The following HMBOX1 variants were observed in gnomAD, a reference collection of about 807,000 sequenced individuals.
The protein encoded by HMBOX1 is homeobox-containing protein 1.
HMBOX1 carries 14 observed loss-of-function variants against 54.5 expected under a neutral mutation model. That is an observed-to-expected ratio of 0.26 (90% CI 0.17 to 0.40). HMBOX1 has a LOEUF of 0.40. HMBOX1 is among the 10% of genes least tolerant of loss of function. HMBOX1 has a pLI of 1.00. For missense variants in HMBOX1, 332 were observed against 514.4 expected, an observed-to-expected ratio of 0.65 and a Z score of 3.43; for synonymous variants, 160 against 181.0, an observed-to-expected ratio of 0.88 and a Z score of 0.93.
chr8:28,947,100 G>A (rs1284001455), intron 1 of HMBOX1, among the ~76,000 whole-genome samples: 4 of 152,174 alleles, frequency 2.6e-5, no homozygotes, highest in African/African-American at 9.6e-5. Flanking sequence ...GGGTGTGTAA[G>A]AAAGATGTAT....
At chr8:28,986,780 T>C (rs150793040) in intron 4 of HMBOX1, among the ~76,000 whole-genome samples, 1 of 152,326 alleles carries the variant, frequency 6.6e-6, no homozygotes, top group African/African-American at 2.4e-5. Flanking sequence ...TTCTTACTTT[T>C]TAATCTCATT....
chr8:28,953,373 A>G (rs950207297), intron 1 of HMBOX1, among the ~76,000 whole-genome samples: 1 of 151,964 alleles, frequency 6.6e-6, no homozygotes, highest in African/African-American at 2.4e-5. Flanking sequence ...CATGAGTGCA[A>G]CACCTTCTGA....
intron 1 of HMBOX1, among the ~76,000 whole-genome samples, chr8:28,894,611 T>C (rs569681863): frequency 1.3e-5 from 2 of 152,234 alleles, no homozygotes; most frequent in Non-Finnish European, 2.9e-5. Context: ...TTGCCCTTAC[T>C]GGATTTAGGG....
intron 5 of HMBOX1, chr8:29,010,245 ACT>A: frequency 5.0e-6 from 3 of 604,324 alleles, no homozygotes; most frequent in East Asian, 1.4e-4. Context: ...ACACCTGTTT[ACT>A]CTTTCTTAGA....
Position 28,924,061 on chromosome 8 carries a change from G to A in HMBOX1, c.-58+33383G>A, listed in dbSNP as rs561428921. Among the ~76,000 whole-genome samples the A allele has an allele frequency of 1.2e-4, 18 of 149,594 alleles. No homozygotes were observed. In the South Asian group the frequency reaches 3.8e-3, roughly 32 times the overall value. On this transcript the variant is annotated intron_variant, in intron 1 of 9. Coordinates refer to ENST00000287701, the MANE Select transcript of HMBOX1 (RefSeq NM_001135726.3). ...GCAAATATATTTTCCGATTATGTAG[G>A]TTATTTTTTGTCTCATTAGAGTGGC...
chr8:28,956,287 CAT>C (rs1824422333), intron 1 of HMBOX1, among the ~76,000 whole-genome samples: 1 of 151,622 alleles, frequency 6.6e-6, no homozygotes, highest in African/African-American at 2.4e-5. Context: ...TCTTTCTCTA[CAT>C]GTCATGTTTT....
chr8:29,042,428 G>T (rs1318257308), intron 6 of HMBOX1, among the ~76,000 whole-genome samples: 1 of 152,134 alleles, frequency 6.6e-6, no homozygotes, highest in Non-Finnish European at 1.5e-5. Context: ...AGAAAGCAAG[G>T]TCATCTGCAA....
chr8:28,993,748 AGTTT>A (rs1400620722), intron 4 of HMBOX1, among the ~76,000 whole-genome samples: 1 of 152,240 alleles, frequency 6.6e-6, no homozygotes, highest in African/African-American at 2.4e-5. Flanking sequence ...AGGGGTTACC[AGTTT>A]GTTCATTGTG....
At chr8:28,937,377 C>T (rs1820590106) in intron 1 of HMBOX1, among the ~76,000 whole-genome samples, 1 of 152,128 alleles carries the variant, frequency 6.6e-6, no homozygotes, top group Non-Finnish European at 1.5e-5. Context: ...TTGCTATAGG[C>T]CAGATAGATT....
chr8:28,982,807 G>T (rs1228293682), intron 4 of HMBOX1, among the ~76,000 whole-genome samples: 1 of 152,016 alleles, frequency 6.6e-6, no homozygotes, highest in African/African-American at 2.4e-5. Flanking sequence ...TGTGTTTGTG[G>T]TAGGCGGGGT....
At chr8:29,006,517 C>A (rs1016716461) in intron 4 of HMBOX1, among the ~76,000 whole-genome samples, 2 of 152,186 alleles carry the variant, frequency 1.3e-5, no homozygotes, top group African/African-American at 4.8e-5. Context: ...TTTTATCCTT[C>A]CATCAGCAGT....
intron 4 of HMBOX1, among the ~76,000 whole-genome samples, chr8:29,003,561 T>TATATATATATATATATATATAG (rs1832987313): frequency 1.5e-5 from 2 of 129,666 alleles, no homozygotes; most frequent in East Asian, 5.2e-4. Context: ...ATTAAATATA[T>TATATATATATATATATATATAG]ATATATATAT....
At chr8:29,011,683 G>A (rs535383229) in intron 5 of HMBOX1, among the ~76,000 whole-genome samples, 2 of 152,216 alleles carry the variant, frequency 1.3e-5, no homozygotes, top group African/African-American at 4.8e-5. Context: ...TCCAGCTTTA[G>A]CACTGGGCTG....
intron 4 of HMBOX1, among the ~76,000 whole-genome samples, chr8:28,995,739 C>A (rs1198893036): frequency 1.3e-5 from 2 of 152,114 alleles, no homozygotes; most frequent in Admixed American, 1.3e-4. Context: ...ATGCACTTTT[C>A]ATGTGCATCT....
intron 1 of HMBOX1, among the ~76,000 whole-genome samples, chr8:28,930,038 T>C (rs1002576625): frequency 6.7e-6 from 1 of 149,052 alleles, no homozygotes; most frequent in Non-Finnish European, 1.5e-5. Context: ...CTGGGCCTAA[T>C]GTCAGGGAAA....
intron 1 of HMBOX1, among the ~76,000 whole-genome samples, chr8:28,897,702 AT>A (rs1812429851): frequency 6.6e-6 from 1 of 152,174 alleles, no homozygotes; most frequent in Admixed American, 6.5e-5. Context: ...AAAGATTTAA[AT>A]TTTAAATAAA....
chr8:28,970,630 A>G lies in HMBOX1; in HGVS notation c.500+111A>G. The G allele has an allele frequency of 1.5e-6, 1 of 665,330 alleles. No homozygotes were observed. Among genetic ancestry groups the G allele is most frequent in the Admixed American group, 2.6e-5 (1 of 38,472 alleles). 41.2% of individuals were successfully genotyped at this position (665,330 alleles called of 1,614,324 possible). A position where few individuals can be genotyped will look rare whatever the true frequency, so the allele number is the denominator to read the frequency against. On this transcript the variant is annotated intron_variant, in intron 3 of 9. Coordinates refer to ENST00000287701, the MANE Select transcript of HMBOX1 (RefSeq NM_001135726.3). The surrounding 1 kb of genome is among the most constrained non-coding windows in gnomAD (Gnocchi z 4.3). ...AGCTATAAGAACTGTAACTTCCTCT[A>G]GCTATAAGAACTGTAACTTCCTCCT...
intron 5 of HMBOX1, among the ~76,000 whole-genome samples, chr8:29,013,681 A>G (rs1834537946): frequency 6.6e-6 from 1 of 152,240 alleles, no homozygotes; most frequent in Non-Finnish European, 1.5e-5. Flanking sequence ...AATCAAATAC[A>G]TTTTATCTTG....
chr8:29,005,404 T>C (rs1019357478), intron 4 of HMBOX1, among the ~76,000 whole-genome samples: 6 of 152,228 alleles, frequency 3.9e-5, no homozygotes, highest in East Asian at 1.9e-4. Context: ...TATATATCTT[T>C]AGTTATATAT....
Sources: gnomAD v4.1 joint callset for allele counts (sites outside exome capture counted in the v4.1 genomes callset) on GRCh38, gnomAD v4.1.1 for gene constraint, Gnocchi (gnomAD v3.1) non-coding constraint, MANE v1.5 for transcripts, NCBI Gene and HGNC (gene_info 2026-07-23, HGNC 2026-07-21) for gene names.